Variants in NRG1 observed in about 807,000 individuals in gnomAD.
NRG1 encodes the protein pro-neuregulin-1, membrane-bound isoform.
NRG1 carries 18 observed loss-of-function variants against 63.8 expected under a neutral mutation model. That is an observed-to-expected ratio of 0.28 (90% CI 0.19 to 0.42). The LOEUF (loss-of-function observed/expected upper bound fraction) is 0.42. Among genes scored for constraint, NRG1 ranks in the 10% least tolerant of loss-of-function variants. The pLI is 1.00. For synonymous variants in NRG1, 302 were observed against 301.3 expected (o/e 1.00, Z -0.02); for missense variants, 762 against 814.7 (o/e 0.94, Z 0.79).
chr8:32,311,876 T>C (rs893131791), intron 1 of NRG1, among the ~76,000 whole-genome samples: 1 of 152,186 alleles, frequency 6.6e-6, no homozygotes, highest in Admixed American at 6.5e-5. Flanking sequence ...CACGCAGTAC[T>C]AAGTCTCTCC....
At chr8:32,393,298 A>G (rs1812015658) in intron 1 of NRG1, among the ~76,000 whole-genome samples, 1 of 152,202 alleles carries the variant, frequency 6.6e-6, no homozygotes, top group Non-Finnish European at 1.5e-5. Flanking sequence ...GGAGAAAATT[A>G]TTCTCTTGTC....
At chr8:31,767,390 A>G (rs147280981) in intron 1 of NRG1, among the ~76,000 whole-genome samples, 1 of 152,334 alleles carries the variant, frequency 6.6e-6, no homozygotes, top group East Asian at 1.9e-4. Flanking sequence ...TGGAAAAATT[A>G]TATTTTCCTT....
At chr8:32,530,421 C>T (rs1365035527) in intron 1 of NRG1, among the ~76,000 whole-genome samples, 2 of 152,142 alleles carry the variant, frequency 1.3e-5, no homozygotes, top group Non-Finnish European at 2.9e-5. Context: ...CCATTATAAT[C>T]TTATGGGACC....
At chr8:32,453,641 G>T (rs566575868) in intron 1 of NRG1, among the ~76,000 whole-genome samples, 1 of 152,286 alleles carries the variant, frequency 6.6e-6, no homozygotes, top group African/African-American at 2.4e-5. Context: ...AGGCTTTTCT[G>T]CAGTAAAATG....
At chr8:31,788,253 A>G (rs1319018072) in intron 1 of NRG1, among the ~76,000 whole-genome samples, 5 of 152,180 alleles carry the variant, frequency 3.3e-5, no homozygotes, top group Admixed American at 6.5e-5. Flanking sequence ...ATTTTGAGGT[A>G]CACATATTTA....
At chr8:32,674,862 A>G (rs2128902840) in intron 5 of NRG1, among the ~76,000 whole-genome samples, 1 of 152,290 alleles carries the variant, frequency 6.6e-6, no homozygotes, top group Middle Eastern at 3.4e-3. Flanking sequence ...ACAAGGAGAC[A>G]GTGATATATT....
intron 1 of NRG1, among the ~76,000 whole-genome samples, chr8:32,436,785 T>C (rs1250855278): frequency 6.6e-6 from 1 of 152,156 alleles, no homozygotes; most frequent in Non-Finnish European, 1.5e-5. Flanking sequence ...ACTTAGATCT[T>C]ATAGTGCTTC....
intron 1 of NRG1, among the ~76,000 whole-genome samples, chr8:32,303,175 C>A (rs1440769469): frequency 1.7e-5 from 1 of 57,796 alleles, no homozygotes. Flanking sequence ...AGAAGAGAAA[C>A]TCAGTCTCCA....
intron 5 of NRG1, among the ~76,000 whole-genome samples, chr8:32,672,237 G>T (rs1227758134): frequency 6.6e-6 from 1 of 151,970 alleles, no homozygotes; most frequent in East Asian, 1.9e-4. Flanking sequence ...ATAGAGATGG[G>T]GTTTCACCAT....
At chr8:32,568,935 C>T (rs1038116406) in intron 1 of NRG1, among the ~76,000 whole-genome samples, 1 of 146,244 alleles carries the variant, frequency 6.8e-6, no homozygotes, top group South Asian at 2.3e-4. Flanking sequence ...ATCCAAGAGC[C>T]ATGTGAAAAT....
intron 1 of NRG1, among the ~76,000 whole-genome samples, chr8:32,284,911 G>A (rs986979920): frequency 3.3e-5 from 5 of 152,088 alleles, no homozygotes; most frequent in South Asian, 2.1e-4. Context: ...TCTCTGGGGC[G>A]GAATGGAATA....
intron 1 of NRG1, among the ~76,000 whole-genome samples, chr8:31,925,347 A>G (rs1834275405): frequency 2.0e-5 from 3 of 151,448 alleles, no homozygotes; most frequent in African/African-American, 2.4e-5. Context: ...TTTCATATTT[A>G]TCTCTAGAAA....
intron 1 of NRG1, among the ~76,000 whole-genome samples, chr8:31,743,805 C>A (rs921246716): frequency 3.3e-5 from 5 of 151,906 alleles, no homozygotes; most frequent in African/African-American, 9.7e-5. Flanking sequence ...AAATTATTTA[C>A]AAAAGCACTG....
At chr8:32,034,363 T>A (rs971911719) in intron 1 of NRG1, among the ~76,000 whole-genome samples, 5 of 152,246 alleles carry the variant, frequency 3.3e-5, no homozygotes, top group African/African-American at 9.6e-5. Context: ...AGTATTTTAT[T>A]GAAAATTTTT....
At chr8:32,158,448 G>GATATATATATATATCTATATATATATAT (rs1838405419) in intron 1 of NRG1, among the ~76,000 whole-genome samples, 1 of 62,184 alleles carries the variant, frequency 1.6e-5, no homozygotes, top group African/African-American at 4.1e-5. Context: ...TGGTTTACAT[G>GATATATATATATATCTATATATATATAT]ATATATATAT....
exon 12 of NRG1, chr8:32,765,699 G>A (rs948857551): frequency 6.6e-6 from 1 of 152,120 alleles, no homozygotes; most frequent in Non-Finnish European, 1.5e-5. Context: ...TGTCAATCCT[G>A]TTGGAAAGAT....
At chr8:32,108,190 G>C (rs944449555) in intron 1 of NRG1, among the ~76,000 whole-genome samples, 1 of 152,140 alleles carries the variant, frequency 6.6e-6, no homozygotes, top group Non-Finnish European at 1.5e-5. Flanking sequence ...TCTGTAACAT[G>C]ATTAAGGGCA....
chr8:32,146,054 A>G (rs1302320887), intron 1 of NRG1, among the ~76,000 whole-genome samples: 1 of 152,212 alleles, frequency 6.6e-6, no homozygotes, highest in Non-Finnish European at 1.5e-5. Context: ...GTACCTGGAA[A>G]TTTTAGATGT....
intron 5 of NRG1, among the ~76,000 whole-genome samples, chr8:32,632,849 T>C (rs1054587132): frequency 1.3e-5 from 2 of 152,216 alleles, no homozygotes; most frequent in African/African-American, 4.8e-5. Context: ...CTCATTCTCA[T>C]CCTTGTTAGC....
Sources: allele counts gnomAD v4.1 joint callset (sites outside exome capture counted in the v4.1 genomes callset), GRCh38; gene constraint gnomAD v4.1.1; transcripts MANE v1.5; gene names NCBI Gene and HGNC (gene_info 2026-07-23, HGNC 2026-07-21).